Variants in NKD1 observed in about 807,000 individuals in gnomAD.
The protein encoded by NKD1 is NKD inhibitor of Wnt signaling pathway 1, also known as protein naked cuticle homolog 1.
Under a neutral mutation model 56.0 loss-of-function variants are expected in NKD1, and 21 were observed. The observed-to-expected ratio is 0.38, with a 90% CI of 0.27 to 0.54. NKD1 has a LOEUF of 0.54. Among genes scored for constraint, NKD1 ranks in the 20% least tolerant of loss-of-function variants. The probability of loss-of-function intolerance (pLI) is 0.82; values close to 1 mark genes in which losing one functional copy is unlikely to be tolerated. For missense variants in NKD1, 578 were observed against 642.7 expected (o/e 0.90, Z 1.09); for synonymous variants, 263 against 265.7 (o/e 0.99, Z 0.10).
intron 3 of NKD1, chr16:50,607,968 G>A (rs547149402): frequency 1.7e-4 from 54 of 309,372 alleles, no homozygotes; most frequent in African/African-American, 1.1e-3. Context: ...TTAACTCACT[G>A]GTGGGGAACA....
intron 3 of NKD1, chr16:50,574,867 C>A: frequency 1.0e-6 from 1 of 985,454 alleles, no homozygotes; most frequent in Non-Finnish European, 1.2e-6. Flanking sequence ...GGGCCATGGT[C>A]TGTGAACACC....
rs560904887 is a variant in NKD1 at position 50,636,915 on chromosome 16, A to G, written c.*3134A>G. ...TACTGCTTAATCCTCTTCCCACCCC[A>G]CCCTTTTATTTTTACACAAGGAGCA... is the stretch of plus-strand genomic sequence containing the variant. On this transcript the variant is annotated 3_prime_UTR_variant, in exon 10 of 10. Coordinates refer to ENST00000268459, the MANE Select transcript of NKD1 (RefSeq NM_033119.5). 6.6e-6 allele frequency: 1 copy of G among 152,238 alleles called. No individual in the cohort carries two copies. The highest frequency in any genetic ancestry group is 1.5e-5 in the Non-Finnish European group (1 of 68,000). 9.4% of individuals were successfully genotyped at this position (152,238 alleles called of 1,614,324 possible). A position where few individuals can be genotyped will look rare whatever the true frequency, so the allele number is the denominator to read the frequency against.
At chr16:50,574,166 C>A in intron 3 of NKD1, 1 of 959,518 alleles carries the variant, frequency 1.0e-6, no homozygotes, top group Non-Finnish European at 1.2e-6. Context: ...AAATGCAGGA[C>A]TGCCTATGTT....
intron 3 of NKD1, among the ~76,000 whole-genome samples, chr16:50,553,327 C>T (rs1004483733): frequency 2.6e-5 from 4 of 152,250 alleles, no homozygotes; most frequent in African/African-American, 7.2e-5. Context: ...CCCATGGCCC[C>T]GGTTGGCCCT....
rs1366344151 is a variant in NKD1, at chr16:50,638,965, G to A, written c.*5184G>A. The A allele has an allele frequency of 2.6e-5, 4 of 152,230 alleles. No individual in the cohort carries two copies. Among genetic ancestry groups the A allele is most frequent in the African/African-American group, 9.7e-5 (4 of 41,430 alleles). 9.4% of individuals were successfully genotyped at this position (152,230 alleles called of 1,614,324 possible). ...GCACAGATCCCTATCTAGACATGAGGCCCTTTAGACATGACTTTGGCATTG... is the reference window on the plus strand; with the variant it reads ...GCACAGATCCCTATCTAGACATGAGACCCTTTAGACATGACTTTGGCATTG... On this transcript the variant is annotated 3_prime_UTR_variant, in exon 10 of 10. Transcript: ENST00000268459.
At chr16:50,550,436 G>T (rs1345036396) in intron 3 of NKD1, among the ~76,000 whole-genome samples, 1 of 152,040 alleles carries the variant, frequency 6.6e-6, no homozygotes, top group Non-Finnish European at 1.5e-5. Context: ...CCATGGGCTG[G>T]GGAGAGGCCA....
At chr16:50,571,325 G>A in intron 3 of NKD1, 1 of 200,908 alleles carries the variant, frequency 5.0e-6, no homozygotes, top group Non-Finnish European at 8.9e-6. Context: ...GGGAAGGTCA[G>A]CAATGCAGCC....
chr16:50,614,823 A>G (rs957490785), intron 4 of NKD1, among the ~76,000 whole-genome samples: 1 of 152,208 alleles, frequency 6.6e-6, no homozygotes, highest in African/African-American at 2.4e-5. Context: ...CTAATTTGGA[A>G]AATGTTACAA....
intron 3 of NKD1, 30 bp from the exon 4 acceptor site, chr16:50,608,264 G>C: frequency 6.4e-7 from 1 of 1,556,040 alleles, no homozygotes; most frequent in Non-Finnish European, 8.9e-7. Flanking sequence ...CCCAACCCCT[G>C]CTCAATGCCT....
chr16:50,594,801 A>AG (rs1422956033), intron 3 of NKD1, among the ~76,000 whole-genome samples: 3 of 142,662 alleles, frequency 2.1e-5, no homozygotes, highest in East Asian at 2.4e-4. Flanking sequence ...TAGGGAAGGG[A>AG]GGGGGGCACA....
chr16:50,600,013 G>T (rs1203904488), intron 3 of NKD1, among the ~76,000 whole-genome samples: 1 of 152,094 alleles, frequency 6.6e-6, no homozygotes, highest in Non-Finnish European at 1.5e-5. Context: ...GCATCTCCTG[G>T]TGCCCACCTT....
At chr16:50,608,461 AG>A in intron 4 of NKD1, 101 bp downstream of exon 4, 1 of 618,740 alleles carries the variant, frequency 1.6e-6, no homozygotes. Flanking sequence ...CTGCAGATGG[AG>A]GGCACAACAG....
At position 50,633,841 on chromosome 16, in the gene NKD1, C is replaced by T; in HGVS notation, c.*60C>T. The T allele has an allele frequency of 1.4e-6, 1 of 724,764 alleles. No individual in the cohort carries two copies. The highest frequency in any genetic ancestry group is 2.2e-6 in the Non-Finnish European group (1 of 455,380). 44.9% of individuals were successfully genotyped at this position (724,764 alleles called of 1,614,324 possible). A position where few individuals can be genotyped will look rare whatever the true frequency, so the allele number is the denominator to read the frequency against. On this transcript the variant is annotated 3_prime_UTR_variant, in exon 10 of 10. Coordinates refer to ENST00000268459, the MANE Select transcript of NKD1 (RefSeq NM_033119.5). The surrounding 1 kb of genome is among the most constrained non-coding windows in gnomAD (Gnocchi z 4.9). ...GGACCCCACCCCCGACACCACAAGG[C>T]ATTATTATTCTATTAATTATTGTTA... is the stretch of plus-strand genomic sequence containing the variant.
At chr16:50,625,390 C>A in intron 5 of NKD1, 95 bp from the exon 6 acceptor site, 2 of 851,156 alleles carry the variant, frequency 2.3e-6, no homozygotes, top group Admixed American at 1.7e-5. Flanking sequence ...GGACAGGTGG[C>A]CGCCCCTTGG....
chr16:50,575,524 C>T (rs1960975694), intron 3 of NKD1, among the ~76,000 whole-genome samples: 1 of 152,204 alleles, frequency 6.6e-6, no homozygotes, highest in Non-Finnish European at 1.5e-5. Context: ...TTCCAGGGCT[C>T]CTTCCCCGGG....
intron 3 of NKD1, among the ~76,000 whole-genome samples, chr16:50,572,770 T>A (rs1960912584): frequency 1.3e-5 from 2 of 152,316 alleles, no homozygotes; most frequent in South Asian, 4.1e-4. Context: ...GGCTTGAGCT[T>A]GTCCCTGAGT....
At chr16:50,576,774 A>C (rs1417043222) in intron 3 of NKD1, among the ~76,000 whole-genome samples, 2 of 145,792 alleles carry the variant, frequency 1.4e-5, no homozygotes, top group Non-Finnish European at 3.0e-5. Flanking sequence ...AGAATGACTT[A>C]TAAAAACTCA....
rs1351606471 is a variant in NKD1 at position 50,648,960 on chromosome 16, C to T, written c.*15179C>T. ...AACTTAGAGGACCAGGACCTCTATT[C>T]CAGGCTTGGACACCTACATTTAGAC... On this transcript the variant is annotated 3_prime_UTR_variant, in exon 10 of 10. Transcript: ENST00000268459. 2.0e-5 allele frequency: 3 copies of T among 152,186 alleles called. No individual in the cohort carries two copies. The East Asian group carries it at 5.8e-4, about 29-fold the overall frequency. 9.4% of individuals were successfully genotyped at this position (152,186 alleles called of 1,614,324 possible).
intron 3 of NKD1, among the ~76,000 whole-genome samples, chr16:50,565,042 G>A (rs1245201797): frequency 6.6e-6 from 1 of 152,148 alleles, no homozygotes; most frequent in East Asian, 1.9e-4. Context: ...GGTATTTGCA[G>A]GTTAATTGAA....
Sources: allele counts gnomAD v4.1 joint callset (sites outside exome capture counted in the v4.1 genomes callset), GRCh38; gene constraint gnomAD v4.1.1; non-coding constraint Gnocchi (gnomAD v3.1); transcripts MANE v1.5; gene names NCBI Gene and HGNC (gene_info 2026-07-23, HGNC 2026-07-21).